RCSD1: variants seen among roughly 807,000 people sequenced by gnomAD.
RCSD1 encodes RCSD domain containing 1.
In RCSD1, 26 loss-of-function variants were observed where a neutral mutation model predicts 42.5. The observed-to-expected ratio is 0.61, with a 90% confidence interval of 0.45 to 0.85. The LOEUF is 0.85. RCSD1 is among the 40% of genes least tolerant of loss of function. The pLI is 0.00. For synonymous variants in RCSD1, 220 were observed against 212.2 expected, an observed-to-expected ratio of 1.04 and a Z score of -0.32; for missense variants, 571 against 528.3, an observed-to-expected ratio of 1.08 and a Z score of -0.79.
intron 4 of RCSD1, 114 bp from the exon 5 acceptor site, chr1:167,693,985 A>C (rs1364321528): frequency 2.2e-6 from 2 of 915,248 alleles, no homozygotes; most frequent in Non-Finnish European, 3.4e-6. Flanking sequence ...TAGCATGAAA[A>C]GCCTGGTGTT....
At chr1:167,642,713 T>C (rs1247013146) in intron 1 of RCSD1, among the ~76,000 whole-genome samples, 1 of 152,196 alleles carries the variant, frequency 6.6e-6, no homozygotes, top group Non-Finnish European at 1.5e-5. Flanking sequence ...TGTCTACGCC[T>C]TTTGATTGGA....
intron 1 of RCSD1, among the ~76,000 whole-genome samples, chr1:167,663,083 G>A (rs113055226): frequency 2.0e-5 from 3 of 152,276 alleles, no homozygotes; most frequent in African/African-American, 7.2e-5. Flanking sequence ...CAGTGGCCTC[G>A]CCTGCCTCCC....
intron 1 of RCSD1, among the ~76,000 whole-genome samples, chr1:167,672,023 T>C (rs1478023332): frequency 6.6e-6 from 1 of 152,120 alleles, no homozygotes; most frequent in Non-Finnish European, 1.5e-5. Context: ...CTGCTGTGCA[T>C]TTCACCATGT....
intron 1 of RCSD1, among the ~76,000 whole-genome samples, chr1:167,675,350 T>C (rs899355654): frequency 6.6e-5 from 10 of 151,612 alleles, no homozygotes; most frequent in African/African-American, 2.4e-4. Flanking sequence ...AGACACGGCC[T>C]ACATGGCGGC....
At chr1:167,683,808 C>G in intron 1 of RCSD1, 92 bp from the exon 2 acceptor site, 1 of 1,191,478 alleles carries the variant, frequency 8.4e-7, no homozygotes, top group Admixed American at 1.9e-5. Flanking sequence ...CTCACTGTCA[C>G]AGCATTCCTG....
Position 167,705,656 on chromosome 1 carries a change from A to G in RCSD1, c.*960A>G, listed in dbSNP as rs1225727799. 3.3e-5 allele frequency: 5 copies of G among 152,224 alleles called. No individual in the cohort carries two copies. Among genetic ancestry groups the G allele is most frequent in the African/African-American group, 4.8e-5 (2 of 41,444 alleles). 9.4% of individuals were successfully genotyped at this position (152,224 alleles called of 1,614,324 possible). A position where few individuals can be genotyped will look rare whatever the true frequency, so the allele number is the denominator to read the frequency against. ...CCATTATGTGCAAGCTACATAATTA[A>G]AACATTTTTCTTAGTTTCCCTGGGA... On this transcript the variant is annotated 3_prime_UTR_variant, in exon 7 of 7. Coordinates refer to ENST00000367854, the MANE Select transcript of RCSD1 (RefSeq NM_052862.4).
At chr1:167,656,229 G>A (rs1000906171) in intron 1 of RCSD1, among the ~76,000 whole-genome samples, 2 of 152,106 alleles carry the variant, frequency 1.3e-5, no homozygotes, top group Non-Finnish European at 2.9e-5. Context: ...CTTGAACCCA[G>A]GTCTTTTCAA....
At chr1:167,703,580 T>C (rs762674483) in intron 6 of RCSD1, among the ~76,000 whole-genome samples, 2 of 152,138 alleles carry the variant, frequency 1.3e-5, no homozygotes, top group African/African-American at 2.4e-5. Context: ...ACCCTACACA[T>C]CAGTGACAAA....
At chr1:167,691,207 T>C (rs1659368083) in intron 4 of RCSD1, among the ~76,000 whole-genome samples, 1 of 152,156 alleles carries the variant, frequency 6.6e-6, no homozygotes, top group Non-Finnish European at 1.5e-5. Context: ...CAACAAGTTG[T>C]GACAATGAAA....
chr1:167,705,990 G>T lies in RCSD1; in HGVS notation c.*1294G>T, dbSNP rs1659749052. The T allele has an allele frequency of 6.6e-6, 1 of 152,094 alleles. No homozygotes were observed. Among genetic ancestry groups the T allele is most frequent in the East Asian group, 1.9e-4 (1 of 5,194 alleles). 9.4% of individuals were successfully genotyped at this position (152,094 alleles called of 1,614,324 possible). A position where few individuals can be genotyped will look rare whatever the true frequency, so the allele number is the denominator to read the frequency against. On this transcript the variant is annotated 3_prime_UTR_variant, in exon 7 of 7. Transcript: ENST00000367854. ...AGTTGGAAGAATTATTCTTCTGGAGGTCTGTTAGACTACATCCTACACTGA... is the reference window on the plus strand; with the variant it reads ...AGTTGGAAGAATTATTCTTCTGGAGTTCTGTTAGACTACATCCTACACTGA...
At chr1:167,697,052 CT>C (rs753480518) in intron 5 of RCSD1, 46 bp from the exon 6 acceptor site, 8 of 1,562,786 alleles carry the variant, frequency 5.1e-6, no homozygotes, top group South Asian at 2.4e-5. Context: ...TCCTCTTGGC[CT>C]TTTTTTATGA....
chr1:167,705,053 CTAATTTA>C lies in RCSD1; in HGVS notation c.*358_*364del. The C allele has an allele frequency of 9.9e-6, 1 of 100,848 alleles. No individual in the cohort carries two copies. Among genetic ancestry groups the C allele is most frequent in the Non-Finnish European group, 2.3e-5 (1 of 43,430 alleles). The allele number at this position is 100,848 out of a possible 1,614,324, so 6.2% of individuals were successfully genotyped here. ...TATCCACACCCACCTATCCCTGCAG[CTAATTTA>C]GCTGATCTCTAATTTAACTGAGCTC... is the stretch of plus-strand genomic sequence containing the variant. On this transcript the variant is annotated 3_prime_UTR_variant, in exon 7 of 7. Coordinates refer to ENST00000367854, the MANE Select transcript of RCSD1 (RefSeq NM_052862.4).
At chr1:167,654,481 A>C (rs1426664045) in intron 1 of RCSD1, among the ~76,000 whole-genome samples, 5 of 152,310 alleles carry the variant, frequency 3.3e-5, no homozygotes, top group African/African-American at 1.2e-4. Flanking sequence ...CTCTTACACA[A>C]GGAACAATAC....
intron 1 of RCSD1, among the ~76,000 whole-genome samples, chr1:167,650,808 A>G (rs1658282258): frequency 6.6e-6 from 1 of 152,184 alleles, no homozygotes; most frequent in African/African-American, 2.4e-5. Context: ...CGATGGGGTA[A>G]GGAGGGGATA....
At chr1:167,649,437 G>C (rs1008673759) in intron 1 of RCSD1, among the ~76,000 whole-genome samples, 1 of 152,172 alleles carries the variant, frequency 6.6e-6, no homozygotes, top group East Asian at 1.9e-4. Context: ...CGCCTAAAAC[G>C]GAATATGTAT....
In RCSD1 at chr1:167,706,138, T is replaced by A. The variant is rs1659752619; in HGVS notation, c.*1442T>A. On this transcript the variant is annotated 3_prime_UTR_variant, in exon 7 of 7. Coordinates refer to ENST00000367854, the MANE Select transcript of RCSD1 (RefSeq NM_052862.4). ...TTTAGTGTTAATATTTGGGATATAT[T>A]TTTTTTCAAAACTGTTTTTAAGTAG... 6.6e-6 allele frequency: 1 copy of A among 152,142 alleles called. No homozygotes were observed. 9.4% of individuals were successfully genotyped at this position (152,142 alleles called of 1,614,324 possible).
chr1:167,666,382 A>C (rs143190039), intron 1 of RCSD1, among the ~76,000 whole-genome samples: 2 of 152,336 alleles, frequency 1.3e-5, no homozygotes, highest in Non-Finnish European at 2.9e-5. Flanking sequence ...CTGGCACAAT[A>C]ATCATTCAGT....
At chr1:167,639,545 C>A (rs1448612235) in intron 1 of RCSD1, among the ~76,000 whole-genome samples, 1 of 151,756 alleles carries the variant, frequency 6.6e-6, no homozygotes, top group African/African-American at 2.4e-5. Context: ...CAGGCTGGAG[C>A]GCAATGGTGC....
At chr1:167,684,997 G>A (rs144421479) in intron 2 of RCSD1, among the ~76,000 whole-genome samples, 133 of 152,252 alleles carry the variant, frequency 8.7e-4, no homozygotes, top group African/African-American at 3.1e-3. Context: ...GCACTATTTC[G>A]GGGTTTTGTT....
Sources: gnomAD v4.1 joint callset for allele counts (sites outside exome capture counted in the v4.1 genomes callset) on GRCh38, gnomAD v4.1.1 for gene constraint, MANE v1.5 for transcripts, NCBI Gene and HGNC (gene_info 2026-07-23, HGNC 2026-07-21) for gene names.